CDIN1: variants seen among roughly 807,000 people sequenced by gnomAD.
The protein encoded by CDIN1 is CDAN1 interacting nuclease 1.
A neutral mutation model predicts 45.3 loss-of-function variants in CDIN1; 33 were observed. The observed-to-expected ratio is 0.73, with a 90% CI of 0.55 to 0.97. The LOEUF is 0.97. Ranked by LOEUF, CDIN1 falls within the 50% of genes least tolerant of loss-of-function variation. CDIN1 has a pLI of 0.00. For synonymous variants in CDIN1, 118 were observed against 124.4 expected, an observed-to-expected ratio of 0.95 and a Z score of 0.34; for missense variants, 303 against 339.4, an observed-to-expected ratio of 0.89 and a Z score of 0.84.
intron 10 of CDIN1, among the ~76,000 whole-genome samples, chr15:36,739,481 G>C (rs954906111): frequency 6.6e-6 from 1 of 152,192 alleles, no homozygotes; most frequent in South Asian, 2.1e-4. Flanking sequence ...TCTCTCCCTC[G>C]CTTTGGTTTT....
chr15:36,618,438 C>T (rs773565796), intron 1 of CDIN1: 8 of 841,774 alleles, frequency 9.5e-6, no homozygotes, highest in South Asian at 2.7e-5. Flanking sequence ...TTTCAGAGGT[C>T]GAAGATGACG....
At chr15:36,663,007 G>T (rs1219145472) in intron 5 of CDIN1, among the ~76,000 whole-genome samples, 1 of 151,864 alleles carries the variant, frequency 6.6e-6, no homozygotes, top group Non-Finnish European at 1.5e-5. Flanking sequence ...TTTGAATTTG[G>T]GATGCCCAAC....
At chr15:36,606,756 T>A (rs554770445) in intron 1 of CDIN1, among the ~76,000 whole-genome samples, 2 of 152,332 alleles carry the variant, frequency 1.3e-5, no homozygotes, top group Non-Finnish European at 2.9e-5. Flanking sequence ...CCTCTGTTTA[T>A]AGAAGTCACT....
intron 10 of CDIN1, among the ~76,000 whole-genome samples, chr15:36,774,133 G>GGTGTGTGTGTGTGTGTGT (rs761451923): frequency 4.4e-4 from 61 of 138,834 alleles, no homozygotes; most frequent in African/African-American, 1.5e-3. Flanking sequence ...AACTGACAGG[G>GGTGTGTGTGTGTGTGTGT]GTGTGTGTGT....
intron 10 of CDIN1, among the ~76,000 whole-genome samples, chr15:36,720,873 A>C (rs1051809628): frequency 2.0e-5 from 3 of 152,168 alleles, no homozygotes; most frequent in Non-Finnish European, 2.9e-5. Flanking sequence ...ACAATGGTTG[A>C]ACTAATTTAC....
intron 10 of CDIN1, among the ~76,000 whole-genome samples, chr15:36,737,979 A>G (rs1469282596): frequency 2.0e-5 from 3 of 152,096 alleles, no homozygotes; most frequent in Non-Finnish European, 4.4e-5. Context: ...TTGAAACTTG[A>G]CTTTATTTGG....
At chr15:36,672,737 T>C (rs1050992828) in intron 5 of CDIN1, among the ~76,000 whole-genome samples, 1 of 151,994 alleles carries the variant, frequency 6.6e-6, no homozygotes, top group Non-Finnish European at 1.5e-5. Context: ...CAGAAGCATA[T>C]TCATCACTTT....
intron 5 of CDIN1, among the ~76,000 whole-genome samples, chr15:36,663,911 A>G (rs2041127185): frequency 6.6e-6 from 1 of 152,220 alleles, no homozygotes; most frequent in Non-Finnish European, 1.5e-5. Context: ...ATGATCCAGC[A>G]ACACTGTAAA....
intron 1 of CDIN1, among the ~76,000 whole-genome samples, chr15:36,611,764 T>C (rs2038660565): frequency 6.6e-6 from 1 of 152,240 alleles, no homozygotes; most frequent in African/African-American, 2.4e-5. Flanking sequence ...ATTTGCCTTT[T>C]ATCAAATGAA....
At chr15:36,672,571 C>T (rs756331946) in intron 5 of CDIN1, among the ~76,000 whole-genome samples, 10 of 149,884 alleles carry the variant, frequency 6.7e-5, no homozygotes, top group Non-Finnish European at 1.0e-4. Context: ...TGCTGAACAC[C>T]TGTGTGTATA....
At chr15:36,757,758 C>T (rs1274664493) in intron 10 of CDIN1, among the ~76,000 whole-genome samples, 1 of 152,108 alleles carries the variant, frequency 6.6e-6, no homozygotes, top group Non-Finnish European at 1.5e-5. Context: ...GATCCTCCTC[C>T]TGACCTACTG....
chr15:36,802,361 A>C lies in CDIN1; in HGVS notation c.717-5963A>C, dbSNP rs181083982. On this transcript the variant is annotated intron_variant, in intron 10 of 10. Transcript: ENST00000566621. ...ATATGTACTTAGCATCTTTATAGACATAATGATTGGTCAAGGGCTCCCTGA... is the reference window on the plus strand; with the variant it reads ...ATATGTACTTAGCATCTTTATAGACCTAATGATTGGTCAAGGGCTCCCTGA... Among the ~76,000 whole-genome samples the C allele has an allele frequency of 5.9e-3, 901 of 152,324 alleles. 13 individuals are homozygous for C. The highest frequency in any genetic ancestry group is 0.02 in the African/African-American group (843 of 41,560).
chr15:36,608,411 T>C lies in CDIN1; in HGVS notation c.101+28450T>C, dbSNP rs538572239. 2.2e-4 allele frequency among the ~76,000 whole-genome samples: 33 copies of C among 152,320 alleles called. No individual in the cohort carries two copies. The South Asian group carries it at 6.6e-3, about 31-fold the overall frequency. ...CACTGTGGTTTTGATTTCTATTTCC[T>C]CAGTGACTAATGATGTTGGGAATCT... On this transcript the variant is annotated intron_variant, in intron 1 of 10. Coordinates refer to ENST00000566621, the MANE Select transcript of CDIN1 (RefSeq NM_001321759.2).
At chr15:36,788,266 G>A (rs776630798) in intron 10 of CDIN1, among the ~76,000 whole-genome samples, 3 of 151,242 alleles carry the variant, frequency 2.0e-5, no homozygotes, top group Admixed American at 6.6e-5. Flanking sequence ...ACAGGCATGC[G>A]CCACCACACC....
intron 10 of CDIN1, among the ~76,000 whole-genome samples, chr15:36,757,876 A>T (rs1398973135): frequency 6.6e-6 from 1 of 152,174 alleles, no homozygotes; most frequent in Non-Finnish European, 1.5e-5. Context: ...ACAGGAAGAG[A>T]GTGAGTATAG....
At chr15:36,703,224 A>G (rs907882673) in intron 8 of CDIN1, among the ~76,000 whole-genome samples, 6 of 126,390 alleles carry the variant, frequency 4.7e-5, no homozygotes, top group Non-Finnish European at 9.9e-5. Context: ...TCTCAAATAT[A>G]TATATATATC....
chr15:36,626,615 C>G, intron 1 of CDIN1: 1 of 301,882 alleles, frequency 3.3e-6, no homozygotes, highest in South Asian at 3.2e-5. Flanking sequence ...GGTCCAACTT[C>G]CACTTAAATG....
chr15:36,802,725 TTC>T (rs1234854608), intron 10 of CDIN1, among the ~76,000 whole-genome samples: 2 of 152,062 alleles, frequency 1.3e-5, no homozygotes, highest in Non-Finnish European at 2.9e-5. Context: ...GAGCCAAATT[TTC>T]TGTCTGAACC....
chr15:36,688,675 A>G (rs2042140885), intron 5 of CDIN1, among the ~76,000 whole-genome samples: 2 of 152,232 alleles, frequency 1.3e-5, no homozygotes, highest in Admixed American at 1.3e-4. Flanking sequence ...GTCTAGGAAC[A>G]GCTTCCATAA....
Sources: gnomAD v4.1 joint callset for allele counts (sites outside exome capture counted in the v4.1 genomes callset) on GRCh38, gnomAD v4.1.1 for gene constraint, MANE v1.5 for transcripts, NCBI Gene and HGNC (gene_info 2026-07-23, HGNC 2026-07-21) for gene names.